METTL16: variants seen among roughly 807,000 people sequenced by gnomAD.
METTL16 encodes the protein methyltransferase 16, RNA N6-adenosine.
Under a neutral mutation model 57.9 loss-of-function variants are expected in METTL16, and 19 were observed. That is an observed-to-expected ratio of 0.33 (90% CI 0.23 to 0.48). METTL16 has a LOEUF of 0.48. METTL16 is among the 20% of genes least tolerant of loss of function. The pLI, the probability that METTL16 is intolerant of heterozygous loss-of-function variation, is 0.99. For missense variants in METTL16, 434 were observed against 691.5 expected (o/e 0.63, Z 4.18); for synonymous variants, 246 against 255.6 (o/e 0.96, Z 0.36).
intron 6 of METTL16, among the ~76,000 whole-genome samples, chr17:2,449,843 A>C (rs1273960315): frequency 1.3e-5 from 2 of 152,226 alleles, no homozygotes; most frequent in African/African-American, 2.4e-5. Context: ...AAGATTAATA[A>C]ACCAATAAAA....
intron 7 of METTL16, among the ~76,000 whole-genome samples, chr17:2,440,290 C>T (rs1343893647): frequency 1.3e-5 from 2 of 151,686 alleles, no homozygotes; most frequent in Non-Finnish European, 2.9e-5. Context: ...CGCTGTGTCA[C>T]CAGGCTGGAG....
intron 1 of METTL16, among the ~76,000 whole-genome samples, chr17:2,510,241 A>G (rs1241256509): frequency 2.0e-5 from 3 of 152,230 alleles, no homozygotes; most frequent in Non-Finnish European, 4.4e-5. Flanking sequence ...TGTGCTGATC[A>G]AGTCAGAGTA....
rs572245200 is a variant in METTL16 at position 2,419,493 on chromosome 17, T to G, written c.*477A>C. 4.7e-4 allele frequency: 180 copies of G among 385,082 alleles called. 3 individuals are homozygous for G. Among genetic ancestry groups the G allele is most frequent in the South Asian group, 3.3e-3 (175 of 52,472 alleles). The allele number at this position is 385,082 out of a possible 1,614,324, so 23.9% of individuals were successfully genotyped here. On this transcript the variant is annotated 3_prime_UTR_variant, in exon 10 of 10. Coordinates refer to ENST00000263092, the MANE Select transcript of METTL16 (RefSeq NM_024086.4). ...CATACAGCTCCCTTTGTGGGATTGA[T>G]GCAAGGTAGGCCCCATCTTGAAGAG...
At chr17:2,464,384 T>G in intron 5 of METTL16, 34 bp from the exon 6 acceptor site, 1 of 1,566,686 alleles carries the variant, frequency 6.4e-7, no homozygotes, top group East Asian at 2.3e-5. Flanking sequence ...GTGAAAAATG[T>G]GTACACCCCA....
rs557787152 is a variant in METTL16 at position 2,494,938 on chromosome 17, C to T, written c.128+7266G>A. On this transcript the variant is annotated intron_variant, in intron 2 of 9. Transcript: ENST00000263092. ...GTTTGAACCCGGGAGCCGGAGGTTG[C>T]ACATCTTATTATTTAAGAAACATTT... Among the ~76,000 whole-genome samples the T allele has an allele frequency of 2.6e-5, 4 of 151,954 alleles. No individual in the cohort carries two copies. In the South Asian group the frequency reaches 6.2e-4, roughly 24 times the overall value.
At chr17:2,442,862 C>G (rs1192915698) in intron 6 of METTL16, among the ~76,000 whole-genome samples, 1 of 151,028 alleles carries the variant, frequency 6.6e-6, no homozygotes, top group Admixed American at 6.6e-5. Flanking sequence ...TAGTCTTGTT[C>G]TGTTGCCCAG....
At chr17:2,490,147 G>C (rs1867198) in intron 2 of METTL16, among the ~76,000 whole-genome samples, 123,151 of 152,184 alleles carry the variant, frequency 0.81, 49,991 homozygotes, top group Non-Finnish European at 0.82. Context: ...GTAGGGACTC[G>C]ATATGCACGC....
At chr17:2,429,180 T>A (rs1398089487) in intron 8 of METTL16, among the ~76,000 whole-genome samples, 3 of 142,822 alleles carry the variant, frequency 2.1e-5, no homozygotes, top group African/African-American at 7.9e-5. Flanking sequence ...TTAAAACTGA[T>A]AAAGCAAAAG....
rs2066754050 is a variant in METTL16, at chr17:2,420,322, C to G, written c.1337G>C (p.Gly446Ala). ...LREGEAAAVE[G>A]PCPSQESLSQ... The stretch of plus-strand genomic sequence containing the variant: ...CAGGGACTCCTGGCTCGGGCACGGG[C>G]CCTCCACAGCGGCAGCCTCGCCTTC... The change falls in exon 10 of 10, where the codon GGC (glycine) becomes GCC (alanine). Residue 446 changes from glycine (G) to alanine (A), a missense_variant. Transcript: ENST00000263092. The surrounding 1 kb of genome is among the most constrained non-coding windows in gnomAD (Gnocchi z 5.4). 2 of 1,611,872 alleles carry G rather than the reference C, an allele frequency of 1.2e-6. No individual in the cohort carries two copies. Among genetic ancestry groups the G allele is most frequent in the Non-Finnish European group, 1.7e-6 (2 of 1,180,026 alleles).
intron 8 of METTL16, among the ~76,000 whole-genome samples, chr17:2,433,547 C>T (rs957759896): frequency 2.0e-5 from 3 of 152,148 alleles, no homozygotes; most frequent in African/African-American, 4.8e-5. Context: ...CCGTGGCGGG[C>T]AGAGTGTCAG....
intron 8 of METTL16, among the ~76,000 whole-genome samples, chr17:2,427,046 G>A (rs1345443899): frequency 6.6e-6 from 1 of 151,996 alleles, no homozygotes; most frequent in African/African-American, 2.4e-5. Context: ...GGAAGACTGA[G>A]GCAGGAGAAT....
At chr17:2,430,140 T>G (rs537752899) in intron 8 of METTL16, among the ~76,000 whole-genome samples, 58 of 151,892 alleles carry the variant, frequency 3.8e-4, no homozygotes, top group African/African-American at 1.3e-3. Context: ...TAAGACAAAG[T>G]CTTGCTCTGT....
intron 1 of METTL16, among the ~76,000 whole-genome samples, chr17:2,510,928 T>G (rs539730715): frequency 6.6e-6 from 1 of 152,270 alleles, no homozygotes; most frequent in South Asian, 2.1e-4. Flanking sequence ...TCCATATATT[T>G]TACTTACTTT....
chr17:2,452,031 G>C (rs369487955), intron 6 of METTL16, among the ~76,000 whole-genome samples: 5 of 151,830 alleles, frequency 3.3e-5, no homozygotes, highest in South Asian at 2.1e-4. Context: ...CAGCTACTAG[G>C]GGGGCTGAGG....
chr17:2,427,952 C>CAA (rs36089320), intron 8 of METTL16, among the ~76,000 whole-genome samples: 17,599 of 127,108 alleles, frequency 0.14, 1,580 homozygotes, highest in South Asian at 0.28. Context: ...CATCTTTACC[C>CAA]AAAAAAAAAA....
chr17:2,442,825 T>C (rs1262193773), intron 6 of METTL16, among the ~76,000 whole-genome samples: 1 of 148,906 alleles, frequency 6.7e-6, no homozygotes, highest in African/African-American at 2.6e-5. Flanking sequence ...AATAGATAAC[T>C]TCAATAGTTC....
At chr17:2,460,251 A>G (rs879425597) in intron 6 of METTL16, 6 of 152,118 alleles carry the variant, frequency 3.9e-5, no homozygotes, top group Non-Finnish European at 8.8e-5. Context: ...AATAAATCCT[A>G]AAGGGCAGTG....
chr17:2,442,935 C>T (rs2066964884), intron 6 of METTL16, among the ~76,000 whole-genome samples: 1 of 150,806 alleles, frequency 6.6e-6, no homozygotes, highest in Non-Finnish European at 1.5e-5. Flanking sequence ...TGAGGTAATT[C>T]TCCCGCCTCA....
At chr17:2,497,974 C>A (rs913508390) in intron 2 of METTL16, among the ~76,000 whole-genome samples, 2 of 151,698 alleles carry the variant, frequency 1.3e-5, no homozygotes, top group African/African-American at 2.4e-5. Context: ...GTGGGCAGAT[C>A]ACGAGGTCAG....
Sources: gnomAD v4.1 joint callset for allele counts (sites outside exome capture counted in the v4.1 genomes callset) on GRCh38, gnomAD v4.1.1 for gene constraint, Gnocchi (gnomAD v3.1) non-coding constraint, MANE v1.5 for transcripts, NCBI Gene and HGNC (gene_info 2026-07-23, HGNC 2026-07-21) for gene names.